CLVS1: variants seen among roughly 807,000 people sequenced by gnomAD.
CLVS1 encodes clavesin 1, also known as clavesin-1.
A neutral mutation model predicts 33.1 loss-of-function variants in CLVS1; 10 were observed. The observed-to-expected ratio is 0.30, with a 90% CI of 0.19 to 0.51. CLVS1 has a LOEUF of 0.51. Ranked by LOEUF, CLVS1 falls within the 20% of genes least tolerant of loss-of-function variation. CLVS1 has a pLI of 0.97. For missense variants in CLVS1, 343 were observed against 433.4 expected (o/e 0.79, Z 1.85); for synonymous variants, 163 against 166.1 (o/e 0.98, Z 0.14).
the CLVS1 span, among the ~76,000 whole-genome samples, chr8:60,968,248 G>T: frequency 6.6e-6 from 1 of 152,206 alleles, no homozygotes; most frequent in Non-Finnish European, 1.5e-5. Context: ...AGTGGCTCAC[G>T]CCCGTAATCG....
the CLVS1 span, among the ~76,000 whole-genome samples, chr8:60,990,509 C>T: frequency 6.6e-6 from 1 of 152,212 alleles, no homozygotes; most frequent in Middle Eastern, 3.4e-3. Flanking sequence ...TCAAGATCAC[C>T]AAAATGTGGA....
intron 2 of CLVS1, among the ~76,000 whole-genome samples, chr8:61,162,560 T>C (rs1806774062): frequency 6.6e-6 from 1 of 152,246 alleles, no homozygotes; most frequent in Admixed American, 6.5e-5. Flanking sequence ...CAAAACACAC[T>C]ATTTTCTCTC....
the CLVS1 span, among the ~76,000 whole-genome samples, chr8:61,026,815 G>A: frequency 9.9e-5 from 15 of 152,276 alleles, no homozygotes; most frequent in African/African-American, 3.6e-4. Context: ...ATTTGGAACA[G>A]AGTTAAACTC....
At chr8:61,423,697 A>C (rs1372587024) in intron 3 of CLVS1, among the ~76,000 whole-genome samples, 3 of 152,208 alleles carry the variant, frequency 2.0e-5, no homozygotes, top group African/African-American at 7.2e-5. Flanking sequence ...TCCAAATTCT[A>C]CAAAATGGGC....
chr8:61,487,666 C>T (rs986044048), intron 5 of CLVS1, among the ~76,000 whole-genome samples: 3 of 152,194 alleles, frequency 2.0e-5, no homozygotes, highest in Admixed American at 6.5e-5. Flanking sequence ...AATTTTCGTG[C>T]ACTGCACTGT....
At position 61,353,856 on chromosome 8, in the gene CLVS1, T is replaced by C. The variant is rs72657058; in HGVS notation, c.456-22749T>C. Among the ~76,000 whole-genome samples, 466 of 149,098 alleles carry C rather than the reference T, an allele frequency of 3.1e-3. 1 individual carries two copies. Among genetic ancestry groups the C allele is most frequent in the Non-Finnish European group, 5.5e-3 (368 of 66,986 alleles). ...AAACCTCTAGCTAGACTGACAATAA[T>C]AAAAAGAGAGAAAACACAAATTAGC... On this transcript the variant is annotated intron_variant, in intron 2 of 5. Coordinates refer to ENST00000325897, the MANE Select transcript of CLVS1 (RefSeq NM_173519.3).
chr8:61,410,772 G>C (rs989586995), intron 3 of CLVS1, among the ~76,000 whole-genome samples: 4 of 152,106 alleles, frequency 2.6e-5, no homozygotes, highest in African/African-American at 9.7e-5. Flanking sequence ...CTCCCGAGTA[G>C]CTGGGACTAC....
At chr8:61,206,649 C>T (rs184815634) in intron 2 of CLVS1, among the ~76,000 whole-genome samples, 279 of 148,354 alleles carry the variant, frequency 1.9e-3, no homozygotes, top group Non-Finnish European at 3.1e-3. Context: ...AGTGCAGTGG[C>T]ACGATCTCGG....
At chr8:61,287,109 T>TTTATGGC (rs1213639055), upstream of CLVS1, among the ~76,000 whole-genome samples, 3 of 152,336 alleles carry the variant, frequency 2.0e-5, no homozygotes, top group Admixed American at 2.0e-4. Flanking sequence ...ATGCCATGTA[T>TTTATGGC]ATTTATGACA....
chr8:61,437,698 C>T (rs1265647547), intron 3 of CLVS1, among the ~76,000 whole-genome samples: 1 of 152,312 alleles, frequency 6.6e-6, no homozygotes, highest in Non-Finnish European at 1.5e-5. Context: ...TAAATGACAA[C>T]ATTTTCAAAT....
At chr8:61,349,240 T>C (rs1812351503) in intron 2 of CLVS1, among the ~76,000 whole-genome samples, 1 of 152,114 alleles carries the variant, frequency 6.6e-6, no homozygotes, top group Non-Finnish European at 1.5e-5. Flanking sequence ...ACTTGTCTTT[T>C]TCCCTTTTCT....
chr8:61,079,598 C>A (rs1370482403), intron 1 of CLVS1, among the ~76,000 whole-genome samples: 1 of 152,180 alleles, frequency 6.6e-6, no homozygotes, highest in Admixed American at 6.5e-5. Flanking sequence ...ATCTCAATTA[C>A]CTGTGACTTT....
rs35073924 is a variant in CLVS1 at position 61,374,983 on chromosome 8, GAA to G, written c.456-1618_456-1617del. On this transcript the variant is annotated intron_variant, in intron 2 of 5. Coordinates refer to ENST00000325897, the MANE Select transcript of CLVS1 (RefSeq NM_173519.3). ...TTTATCTGTGTCACTTCTCTCTCCT[GAA>G]AAAGTCTTGCTCCCCCTTTTCCCAA... 5.9e-5 allele frequency among the ~76,000 whole-genome samples: 9 copies of G among 152,196 alleles called. No homozygotes were observed. The East Asian group carries it at 1.7e-3, about 29-fold the overall frequency.
chr8:61,323,164 G>C (rs1403427316), intron 2 of CLVS1, among the ~76,000 whole-genome samples: 1 of 152,160 alleles, frequency 6.6e-6, no homozygotes, highest in Non-Finnish European at 1.5e-5. Context: ...TGGGAGCAGG[G>C]AGAGTGTCAT....
chr8:61,139,758 G>A (rs1353801936), intron 2 of CLVS1, among the ~76,000 whole-genome samples: 1 of 152,160 alleles, frequency 6.6e-6, no homozygotes, highest in Admixed American at 6.5e-5. Context: ...AGGAGGGCTG[G>A]GGGGGATGTT....
At chr8:60,995,662 G>T in the CLVS1 span, among the ~76,000 whole-genome samples, 1 of 152,184 alleles carries the variant, frequency 6.6e-6, no homozygotes, top group Non-Finnish European at 1.5e-5. Context: ...CCATTACTGG[G>T]TATATACCCA....
chr8:61,411,741 A>G lies in CLVS1; in HGVS notation c.630+34962A>G, dbSNP rs559066257. ...CTGGCCTTTCATCCTGAGGCCTCCC[A>G]TGGTGGGTCACCTTCCTTCTCTTCT... is the stretch of plus-strand genomic sequence containing the variant. On this transcript the variant is annotated intron_variant, in intron 3 of 5. Coordinates refer to ENST00000325897, the MANE Select transcript of CLVS1 (RefSeq NM_173519.3). 1.6e-4 allele frequency among the ~76,000 whole-genome samples: 25 copies of G among 152,282 alleles called. No homozygotes were observed. The South Asian group carries it at 4.6e-3, about 28-fold the overall frequency.
chr8:61,366,096 G>T (rs1813200246), intron 2 of CLVS1, among the ~76,000 whole-genome samples: 1 of 152,170 alleles, frequency 6.6e-6, no homozygotes, highest in African/African-American at 2.4e-5. Context: ...TAGATGGGAA[G>T]ATCATAGCTC....
chr8:61,273,099 GT>G (rs1046771790), intron 2 of CLVS1, among the ~76,000 whole-genome samples: 24 of 150,574 alleles, frequency 1.6e-4, no homozygotes, highest in Admixed American at 6.6e-5. Context: ...TTTCTGTTCT[GT>G]TTTTTCCCCA....
Sources: allele counts gnomAD v4.1 joint callset (sites outside exome capture counted in the v4.1 genomes callset), GRCh38; gene constraint gnomAD v4.1.1; transcripts MANE v1.5; gene names NCBI Gene and HGNC (gene_info 2026-07-23, HGNC 2026-07-21).